Variants in DPP10 observed in about 807,000 individuals in gnomAD.
DPP10 encodes the protein inactive dipeptidyl peptidase 10.
DPP10 carries 33 observed loss-of-function variants against 120.9 expected under a neutral mutation model. The ratio of observed to expected loss-of-function variants is 0.27; its 90% CI spans 0.21 to 0.37. DPP10 has a LOEUF of 0.37. DPP10 is among the 10% of genes least tolerant of loss of function. DPP10 has a pLI of 1.00. For missense variants in DPP10, 816 were observed against 942.8 expected, an observed-to-expected ratio of 0.87 and a Z score of 1.76; for synonymous variants, 337 against 326.1, an observed-to-expected ratio of 1.03 and a Z score of -0.36.
chr2:115,396,031 C>T (rs1181067000), intron 3 of DPP10, among the ~76,000 whole-genome samples: 1 of 152,032 alleles, frequency 6.6e-6, no homozygotes, highest in Non-Finnish European at 1.5e-5. Context: ...ATTAGCTTTC[C>T]TTCACCATAC....
chr2:115,038,278 A>ATTTT (rs1168663113), intron 1 of DPP10, among the ~76,000 whole-genome samples: 1 of 151,120 alleles, frequency 6.6e-6, no homozygotes. Flanking sequence ...TTATTTATTT[A>ATTTT]TTTATTTTTT....
chr2:114,674,084 A>G (rs531606365), intron 1 of DPP10, among the ~76,000 whole-genome samples: 4 of 152,248 alleles, frequency 2.6e-5, no homozygotes, highest in South Asian at 4.1e-4. Flanking sequence ...TATGAGATAT[A>G]TTGGAAAATT....
At chr2:115,288,141 AG>A (rs2105910724) in intron 1 of DPP10, among the ~76,000 whole-genome samples, 1 of 152,208 alleles carries the variant, frequency 6.6e-6, no homozygotes, top group Admixed American at 6.5e-5. Context: ...CACCAGCAGT[AG>A]GTAAGTGTTC....
chr2:115,074,012 T>A (rs1707585726), intron 1 of DPP10, among the ~76,000 whole-genome samples: 1 of 152,116 alleles, frequency 6.6e-6, no homozygotes, highest in African/African-American at 2.4e-5. Context: ...GACAGAAAAA[T>A]GATTTTTTGA....
At chr2:114,504,007 T>A (rs150147020) in intron 1 of DPP10, among the ~76,000 whole-genome samples, 73 of 152,346 alleles carry the variant, frequency 4.8e-4, no homozygotes, top group African/African-American at 1.7e-3. Flanking sequence ...TTTAACCAAG[T>A]GTAGTAAAGT....
At chr2:114,955,963 A>G (rs953016913) in intron 1 of DPP10, among the ~76,000 whole-genome samples, 1 of 152,210 alleles carries the variant, frequency 6.6e-6, no homozygotes, top group Non-Finnish European at 1.5e-5. Flanking sequence ...TAAAGGCCAT[A>G]TATGATAAGC....
intron 5 of DPP10, among the ~76,000 whole-genome samples, chr2:115,603,570 G>GTTTTTTTTTTTTTTTT (rs61548055): frequency 8.1e-5 from 8 of 99,282 alleles, no homozygotes; most frequent in East Asian, 5.7e-4. Flanking sequence ...GTTTTTTTTT[G>GTTTTTTTTTTTTTTTT]TTTTTTTTTT....
chr2:114,834,466 A>C (rs1205753577), intron 1 of DPP10, among the ~76,000 whole-genome samples: 1 of 151,190 alleles, frequency 6.6e-6, no homozygotes, highest in Non-Finnish European at 1.5e-5. Flanking sequence ...TATCAGCCAT[A>C]TCTACACACC....
chr2:115,018,998 AC>A (rs996828818), intron 1 of DPP10, among the ~76,000 whole-genome samples: 4 of 151,926 alleles, frequency 2.6e-5, no homozygotes, highest in African/African-American at 9.7e-5. Flanking sequence ...CTGCAGCAGG[AC>A]CCAGTCACCA....
chr2:115,071,780 T>A (rs6542243), intron 1 of DPP10, among the ~76,000 whole-genome samples: 148,139 of 152,230 alleles, frequency 0.97, 72,216 homozygotes, highest in Middle Eastern at 1. Flanking sequence ...ATGTTCACAA[T>A]GCCTGATCAC....
intron 19 of DPP10, among the ~76,000 whole-genome samples, chr2:115,806,841 C>G (rs905849157): frequency 6.6e-6 from 1 of 151,212 alleles, no homozygotes; most frequent in South Asian, 2.1e-4. Context: ...TCTAAATTGC[C>G]CCCCCACCCC....
At chr2:115,766,286 ATGTGTG>A (rs34673352) in intron 12 of DPP10, among the ~76,000 whole-genome samples, 10 of 70,234 alleles carry the variant, frequency 1.4e-4, no homozygotes, top group African/African-American at 3.8e-4. Flanking sequence ...CATTATATAT[ATGTGTG>A]TGTGTGTGTG....
chr2:115,004,188 G>A (rs1701645809), intron 1 of DPP10, among the ~76,000 whole-genome samples: 1 of 152,152 alleles, frequency 6.6e-6, no homozygotes, highest in Non-Finnish European at 1.5e-5. Flanking sequence ...GTAGCATGAA[G>A]GGAAGGTGGT....
At chr2:114,988,850 A>C (rs1350712100) in intron 1 of DPP10, among the ~76,000 whole-genome samples, 3 of 152,196 alleles carry the variant, frequency 2.0e-5, no homozygotes, top group Non-Finnish European at 4.4e-5. Context: ...AAATCACTGT[A>C]GCAATTTCAG....
chr2:114,893,758 CAT>C (rs2106633910), intron 1 of DPP10, among the ~76,000 whole-genome samples: 1 of 152,282 alleles, frequency 6.6e-6, no homozygotes, highest in African/African-American at 2.4e-5. Flanking sequence ...ATCCAATTAA[CAT>C]ATTCATGATG....
chr2:114,521,345 GT>G (rs1216121478), intron 1 of DPP10, among the ~76,000 whole-genome samples: 5 of 149,972 alleles, frequency 3.3e-5, no homozygotes, highest in Non-Finnish European at 7.4e-5. Context: ...TAAAAATAAA[GT>G]CATCAAAAAC....
intron 1 of DPP10, among the ~76,000 whole-genome samples, chr2:114,735,286 A>C (rs1215347703): frequency 6.6e-6 from 1 of 152,220 alleles, no homozygotes; most frequent in Non-Finnish European, 1.5e-5. Context: ...GAAGTATTAC[A>C]AGAACACCAC....
intron 3 of DPP10, among the ~76,000 whole-genome samples, chr2:115,363,908 T>C (rs1350985662): frequency 1.3e-5 from 2 of 152,190 alleles, no homozygotes; most frequent in Non-Finnish European, 2.9e-5. Context: ...TGAATTATTT[T>C]CATTGCCTTC....
chr2:115,000,010 C>T (rs974282633), intron 1 of DPP10, among the ~76,000 whole-genome samples: 1 of 35,474 alleles, frequency 2.8e-5, no homozygotes, highest in Non-Finnish European at 6.0e-5. Context: ...TTAATTCAAC[C>T]AATTAGTTTT....
Sources: allele counts gnomAD v4.1 joint callset (sites outside exome capture counted in the v4.1 genomes callset), GRCh38; gene constraint gnomAD v4.1.1; transcripts MANE v1.5; gene names NCBI Gene and HGNC (gene_info 2026-07-23, HGNC 2026-07-21).